RABL6: variants seen among roughly 807,000 people sequenced by gnomAD.
The protein encoded by RABL6 is rab-like protein 6.
In RABL6, 28 loss-of-function variants were observed where a neutral mutation model predicts 72.9. The observed-to-expected ratio is 0.38, with a 90% CI of 0.28 to 0.53. RABL6 has a LOEUF of 0.53. Ranked by LOEUF, RABL6 falls within the 20% of genes least tolerant of loss-of-function variation. RABL6 has a pLI of 0.80. For synonymous variants in RABL6, 477 were observed against 421.2 expected (o/e 1.13, Z -1.62); for missense variants, 1,029 against 1,008.4 (o/e 1.02, Z -0.28).
intron 3 of RABL6, chr9:136,828,208 G>A (rs962829301): frequency 7.2e-6 from 3 of 419,454 alleles, no homozygotes; most frequent in Non-Finnish European, 1.3e-5. Context: ...GTGTAGGGCT[G>A]TAGGCCATCC....
At chr9:136,840,096 C>T (rs1008805880) in intron 13 of RABL6, 58 bp from the exon 14 acceptor site, 7 of 1,610,158 alleles carry the variant, frequency 4.3e-6, no homozygotes, top group Non-Finnish European at 5.9e-6. Flanking sequence ...AGTCCTGTCA[C>T]CCAGCTTGGG....
At chr9:136,819,409 G>A (rs974024613) in intron 1 of RABL6, among the ~76,000 whole-genome samples, 3 of 151,744 alleles carry the variant, frequency 2.0e-5, no homozygotes, top group Non-Finnish European at 2.9e-5. Flanking sequence ...GGGAACCAGA[G>A]CTGTAACTAA....
At chr9:136,817,804 C>G (rs925249283) in intron 1 of RABL6, among the ~76,000 whole-genome samples, 187 of 152,250 alleles carry the variant, frequency 1.2e-3, no homozygotes, top group African/African-American at 4.4e-3. Flanking sequence ...GCTCACACTT[C>G]TAATTCCAGC....
rs561801845 is a variant in RABL6 at position 136,838,969 on chromosome 9, C to T, written c.1341C>T (p.Leu447=). The change falls in exon 11 of 15, where the codon CTC becomes CTT. Residue 447 remains leucine, a synonymous_variant. Coordinates refer to ENST00000311502, the MANE Select transcript of RABL6 (RefSeq NM_024718.5). ...CAGGGTTCCAGGACGATGTGGACCTCGAAGACCAGCCACGTGGGAGTCCCC... is the reference window on the plus strand; with the variant it reads ...CAGGGTTCCAGGACGATGTGGACCTTGAAGACCAGCCACGTGGGAGTCCCC... The part of the protein sequence containing the change: ...MVAGFQDDVD[L]EDQPRGSPPL... 472 of 1,611,016 alleles carry T rather than the reference C, an allele frequency of 2.9e-4. 2 individuals carry two copies. Among genetic ancestry groups the T allele is most frequent in the South Asian group, 5.3e-4 (48 of 90,874 alleles).
chr9:136,822,403 G>T (rs1046829746), intron 1 of RABL6, among the ~76,000 whole-genome samples: 3 of 151,980 alleles, frequency 2.0e-5, no homozygotes, highest in Admixed American at 6.5e-5. Context: ...TCTCTCCCCC[G>T]TGCCTGTGGT....
chr9:136,838,148 G>A (rs1202278009), intron 10 of RABL6, 133 bp downstream of exon 10: 13 of 1,165,024 alleles, frequency 1.1e-5, no homozygotes, highest in Non-Finnish European at 3.6e-6. Flanking sequence ...TGAGGACAGA[G>A]CAGCTCTGTG....
intron 1 of RABL6, chr9:136,812,744 T>C (rs1564357833): frequency 3.2e-6 from 1 of 315,844 alleles, no homozygotes; most frequent in Non-Finnish European, 6.3e-6. Flanking sequence ...CAGCGTCCTT[T>C]CTTTCAAATG....
chr9:136,808,676 G>A (rs935853407), intron 1 of RABL6: 1 of 154,690 alleles, frequency 6.5e-6, no homozygotes, highest in East Asian at 1.9e-4. Context: ...CGCCGGCCCG[G>A]GGCGCCGCGC....
In RABL6 at chr9:136,832,593, C is replaced by T. The variant is rs567744371; in HGVS notation, c.705+223C>T. The T allele has an allele frequency of 6.2e-4, 380 of 609,922 alleles. 2 individuals carry two copies. The highest frequency in any genetic ancestry group is 1.0e-3 in the Non-Finnish European group (345 of 335,500). 37.8% of individuals were successfully genotyped at this position (609,922 alleles called of 1,614,324 possible). A position where few individuals can be genotyped will look rare whatever the true frequency, so the allele number is the denominator to read the frequency against. Reference sequence around the variant, plus strand: ...GACCCAGTCCCAGGAGCCCCTCCACCTCTGCGGGGACCCCTTGCTCAGTTT... The same window carrying T: ...GACCCAGTCCCAGGAGCCCCTCCACTTCTGCGGGGACCCCTTGCTCAGTTT... On this transcript the variant is annotated intron_variant, in intron 7 of 14. Coordinates refer to ENST00000311502, the MANE Select transcript of RABL6 (RefSeq NM_024718.5).
At chr9:136,829,573 A>G (rs1275053390) in intron 5 of RABL6, 89 bp downstream of exon 5, 2 of 1,189,060 alleles carry the variant, frequency 1.7e-6, no homozygotes, top group East Asian at 2.6e-5. Context: ...TAATGGTTAG[A>G]GCAGCATCGT....
chr9:136,836,696 C>G (rs1460005594), intron 8 of RABL6: 3 of 162,258 alleles, frequency 1.8e-5, no homozygotes, highest in African/African-American at 7.2e-5. Context: ...CGTGCTCCAC[C>G]AAGCCCCAGC....
intron 1 of RABL6, chr9:136,821,302 C>G: frequency 2.0e-6 from 2 of 983,630 alleles, no homozygotes; most frequent in Non-Finnish European, 2.4e-6. Flanking sequence ...GTGACCGTCT[C>G]TGCGCTCTCC....
Position 136,839,282 on chromosome 9 carries a change from C to T in RABL6, c.1554C>T (p.Pro518=), listed in dbSNP as rs764062017. ...RGTAPTRTAA[P]PWPGGVSVRT... ...CAGCTCCCACGAGGACCGCAGCACCCCCCTGGCCAGGCGGTGTCTCTGTTC... is the reference window on the plus strand; with the variant it reads ...CAGCTCCCACGAGGACCGCAGCACCTCCCTGGCCAGGCGGTGTCTCTGTTC... The change falls in exon 12 of 15, where the codon CCC becomes CCT. Residue 518 remains proline (P), a synonymous_variant. Coordinates refer to ENST00000311502, the MANE Select transcript of RABL6 (RefSeq NM_024718.5). The T allele has an allele frequency of 1.2e-5, 20 of 1,610,152 alleles. No homozygotes were observed. Among genetic ancestry groups the T allele is most frequent in the Admixed American group, 8.4e-5 (5 of 59,586 alleles).
At chr9:136,820,300 G>A (rs1848211151) in intron 1 of RABL6, among the ~76,000 whole-genome samples, 1 of 152,134 alleles carries the variant, frequency 6.6e-6, no homozygotes, top group Admixed American at 6.5e-5. Context: ...AGGAGATTGA[G>A]GCTGCAGTGA....
chr9:136,840,873 G>A lies in RABL6; in HGVS notation c.*351G>A, dbSNP rs1395528205. Reference sequence around the variant, plus strand: ...ACAGAGGCTGGGCAGGGGCCGCTTGGCTGTGGGGTGTGCGCTGCCCCGGCA... The same window carrying A: ...ACAGAGGCTGGGCAGGGGCCGCTTGACTGTGGGGTGTGCGCTGCCCCGGCA... On this transcript the variant is annotated 3_prime_UTR_variant, in exon 15 of 15. Transcript: ENST00000311502. The A allele has an allele frequency of 2.6e-6, 4 of 1,530,948 alleles. No homozygotes were observed. The allele number at this position is 1,530,948 out of a possible 1,614,324, so 94.8% of individuals were successfully genotyped here.
intron 4 of RABL6, 149 bp from the exon 5 acceptor site, chr9:136,829,244 C>T (rs1459890385): frequency 1.1e-5 from 7 of 663,848 alleles, no homozygotes; most frequent in Non-Finnish European, 1.9e-5. Context: ...CTATGTTTAG[C>T]TATCCCATCT....
intron 1 of RABL6, among the ~76,000 whole-genome samples, chr9:136,811,058 G>C (rs987461003): frequency 6.6e-6 from 1 of 152,214 alleles, no homozygotes; most frequent in African/African-American, 2.4e-5. Flanking sequence ...ACTCGAATGA[G>C]ACATTGGACC....
At chr9:136,837,100 C>T (rs150090284) in intron 8 of RABL6, 268 of 649,604 alleles carry the variant, frequency 4.1e-4, no homozygotes, top group African/African-American at 4.0e-3. Flanking sequence ...CGGTCTCCAC[C>T]TCCTGACCTC....
Position 136,831,835 on chromosome 9 carries a change from G to T in RABL6, c.573G>T (p.Val191=), listed in dbSNP as rs1043806651. Residue 191 remains valine, a synonymous_variant, in exon 6 of 15, where the codon GTG becomes GTT. Coordinates refer to ENST00000311502, the MANE Select transcript of RABL6 (RefSeq NM_024718.5). ...GEHRVILPDD[V]RDFIDNLDRP... The stretch of plus-strand genomic sequence containing the variant: ...ACCGAGTCATCCTGCCGGACGACGT[G>T]CGTGACTTCATCGACAACCTGGACA... The T allele has an allele frequency of 6.2e-7, 1 of 1,612,540 alleles. No individual in the cohort carries two copies. The highest frequency in any genetic ancestry group is 1.3e-5 in the African/African-American group (1 of 74,900).
Sources: gnomAD v4.1 joint callset for allele counts (sites outside exome capture counted in the v4.1 genomes callset) on GRCh38, gnomAD v4.1.1 for gene constraint, MANE v1.5 for transcripts, NCBI Gene and HGNC (gene_info 2026-07-23, HGNC 2026-07-21) for gene names.